The following CAPN1 variants were observed in gnomAD, a reference collection of about 807,000 sequenced individuals.
CAPN1 encodes calpain-1 catalytic subunit.
In CAPN1, 77 loss-of-function variants were observed where a neutral mutation model predicts 105.2. The observed-to-expected ratio is 0.73, with a 90% CI of 0.61 to 0.88. CAPN1 has a LOEUF of 0.88. CAPN1 is among the 40% of genes least tolerant of loss of function. The pLI is 0.00. For missense variants in CAPN1, 833 were observed against 976.6 expected (o/e 0.85, Z 1.96); for synonymous variants, 355 against 388.8 (o/e 0.91, Z 1.02).
At position 65,211,328 on chromosome 11, in the gene CAPN1, C is replaced by T. The variant is rs377011922; in HGVS notation, c.*42C>T. 3.4e-5 allele frequency: 54 copies of T among 1,603,786 alleles called. No individual in the cohort carries two copies. Among genetic ancestry groups the T allele is most frequent in the African/African-American group, 5.4e-5 (4 of 74,726 alleles). Reference sequence around the variant, plus strand: ...CCCTTGCCGTGCTCCCCTCCCTCCTCGTCTGCCAAGCCTCGCCTCCTACCA... The same window carrying T: ...CCCTTGCCGTGCTCCCCTCCCTCCTTGTCTGCCAAGCCTCGCCTCCTACCA... On this transcript the variant is annotated 3_prime_UTR_variant, in exon 22 of 22. Coordinates refer to ENST00000279247, the MANE Select transcript of CAPN1 (RefSeq NM_005186.4).
Position 65,188,646 on chromosome 11 carries a change from C to T in CAPN1, c.1065C>T (p.Pro355=), listed in dbSNP as rs375532639. ...FTRLEICNLT[P]DALKSRTIRK... The stretch of plus-strand genomic sequence containing the variant: ...GCCTGGAGATCTGCAACCTCACACC[C>T]GACGCCCTCAAGAGCCGGACCATCC... Residue 355 remains proline, a synonymous_variant, in exon 10 of 22, where the codon CCC becomes CCT. Transcript: ENST00000279247. The surrounding 1 kb of genome is among the most constrained non-coding windows in gnomAD (Gnocchi z 5.5). The T allele has an allele frequency of 1.7e-5, 28 of 1,613,828 alleles. No homozygotes were observed. The highest frequency in any genetic ancestry group is 1.6e-4 in the Middle Eastern group (1 of 6,084).
In CAPN1 at chr11:65,188,702, C is replaced by A. The variant is rs912363644; in HGVS notation, c.1121C>A (p.Thr374Asn). Residue 374 changes from threonine (T) to asparagine (N), a missense_variant, in exon 10 of 22, where the codon ACC becomes AAC. Coordinates refer to ENST00000279247, the MANE Select transcript of CAPN1 (RefSeq NM_005186.4). This position sits in a 1 kb window ranked among gnomAD's most constrained non-coding sequence, Gnocchi z 5.5. ...RKWNTTLYEG[T>N]WRRGSTAGGC... The stretch of plus-strand genomic sequence containing the variant: ...TGGAACACCACACTCTACGAAGGCA[C>A]CTGGCGGCGGGGGAGCACCGCGGGG... The A allele has an allele frequency of 6.2e-7, 1 of 1,607,088 alleles. No homozygotes were observed. Among genetic ancestry groups the A allele is most frequent in the African/African-American group, 1.3e-5 (1 of 74,792 alleles).
chr11:65,184,601 A>G (rs1160949259), intron 4 of CAPN1, among the ~76,000 whole-genome samples: 1 of 151,754 alleles, frequency 6.6e-6, no homozygotes, highest in Non-Finnish European at 1.5e-5. Context: ...GTGGCATCTC[A>G]GAAACAAAGC....
Position 65,182,943 on chromosome 11 carries a change from A to G in CAPN1, c.242A>G (p.Tyr81Cys). ...CTGGGTCCCAATTCCTCCAAGACCT[A>G]TGGCATCAAGTGGAAGCGTCCCACG... Reference protein sequence around the residue: ...KDLGPNSSKTYGIKWKRPTEL... With the variant: ...KDLGPNSSKTCGIKWKRPTEL... Residue 81 changes from tyrosine (Y) to cysteine (C), a missense_variant, in exon 2 of 22, where the codon TAT (tyrosine) becomes TGT (cysteine). Transcript: ENST00000279247. 6.2e-7 allele frequency: 1 copy of G among 1,613,402 alleles called. No individual in the cohort carries two copies. The highest frequency in any genetic ancestry group is 8.5e-7 in the Non-Finnish European group (1 of 1,179,676).
intron 10 of CAPN1, among the ~76,000 whole-genome samples, chr11:65,204,263 C>T (rs1368189788): frequency 1.3e-5 from 2 of 152,194 alleles, no homozygotes; most frequent in Admixed American, 6.5e-5. Flanking sequence ...CCTGGGTCTC[C>T]GTGTTTCCTA....
intron 14 of CAPN1, among the ~76,000 whole-genome samples, chr11:65,207,099 G>C (rs1648662107): frequency 6.6e-6 from 1 of 151,858 alleles, no homozygotes; most frequent in Non-Finnish European, 1.5e-5. Flanking sequence ...CATCAACCCT[G>C]TCCGGGTCTT....
At chr11:65,190,853 C>T (rs539862105) in intron 10 of CAPN1, among the ~76,000 whole-genome samples, 6 of 152,242 alleles carry the variant, frequency 3.9e-5, no homozygotes, top group East Asian at 1.9e-4. Flanking sequence ...GCTGTGATTA[C>T]AGGTGCCCGC....
intron 6 of CAPN1, among the ~76,000 whole-genome samples, chr11:65,186,958 G>A (rs1948642944): frequency 6.6e-6 from 1 of 152,204 alleles, no homozygotes; most frequent in African/African-American, 2.4e-5. Context: ...GTCAGCCCTG[G>A]CCAGTAGCAG....
intron 4 of CAPN1, 162 bp downstream of exon 4, chr11:65,183,754 C>T: frequency 1.7e-6 from 1 of 592,866 alleles, no homozygotes; most frequent in East Asian, 2.8e-5. Flanking sequence ...TGTGAAGTGA[C>T]TGGGCTGGGC....
chr11:65,210,896 G>A lies in CAPN1; in HGVS notation c.2118+24G>A. 4 of 1,589,494 alleles carry A rather than the reference G, an allele frequency of 2.5e-6. No homozygotes were observed. Among genetic ancestry groups the A allele is most frequent in the South Asian group, 1.1e-5 (1 of 90,562 alleles). ...AGGTGGGAACCTCCCTGGGCCCATG[G>A]TTGGGGAAGAGTTCCAGGCGATCGA... On this transcript the variant is annotated intron_variant, in intron 21 of 21. Transcript: ENST00000279247. This position sits in a 1 kb window ranked among gnomAD's most constrained non-coding sequence, Gnocchi z 4.3.
rs552236180 is a variant in CAPN1 at position 65,195,130 on chromosome 11, G to A, written c.1165+6384G>A. Reference sequence around the variant, plus strand: ...TTTTTTTTTTTTTTTTTTTTTTTGAGTCTGGATCTTGCTCTATCACCTAGG... The same window carrying A: ...TTTTTTTTTTTTTTTTTTTTTTTGAATCTGGATCTTGCTCTATCACCTAGG... On this transcript the variant is annotated intron_variant, in intron 10 of 21. Coordinates refer to ENST00000279247, the MANE Select transcript of CAPN1 (RefSeq NM_005186.4). Among the ~76,000 whole-genome samples the A allele has an allele frequency of 5.9e-4, 61 of 102,960 alleles. 1 individual carries two copies. The East Asian group carries it at 0.019, about 32-fold the overall frequency. The allele number at this position is 102,960 out of a possible 152,430, so 67.5% of individuals were successfully genotyped here. A position where few individuals can be genotyped will look rare whatever the true frequency, so the allele number is the denominator to read the frequency against.
chr11:65,183,020 G>A, intron 2 of CAPN1, 52 bp downstream of exon 2: 1 of 1,611,018 alleles, frequency 6.2e-7, no homozygotes, highest in Non-Finnish European at 8.5e-7. Context: ...CCTGGATGAG[G>A]AGTAGGGATG....
chr11:65,191,159 A>C (rs1412666879), intron 10 of CAPN1, among the ~76,000 whole-genome samples: 1 of 152,220 alleles, frequency 6.6e-6, no homozygotes, highest in Non-Finnish European at 1.5e-5. Context: ...GTCTTATCCA[A>C]GGATATGGTG....
At chr11:65,189,084 C>T (rs760513239) in intron 10 of CAPN1, among the ~76,000 whole-genome samples, 6 of 151,842 alleles carry the variant, frequency 4.0e-5, no homozygotes, top group East Asian at 3.9e-4. Flanking sequence ...AGTGCAGTAG[C>T]GTGGCCTTGG....
chr11:65,188,505 C>A lies in CAPN1; in HGVS notation c.1004+17C>A. 6.2e-7 allele frequency: 1 copy of A among 1,613,000 alleles called. No homozygotes were observed. Among genetic ancestry groups the A allele is most frequent in the African/African-American group, 1.3e-5 (1 of 75,026 alleles). On this transcript the variant is annotated intron_variant, in intron 9 of 21. Transcript: ENST00000279247. This position sits in a 1 kb window ranked among gnomAD's most constrained non-coding sequence, Gnocchi z 5.5. ...GGAGTTCTGGTGAGCGCCCCCTCCC[C>A]TTCTACCCCACCTCTCCACCCCTAC...
At position 65,209,200 on chromosome 11, in the gene CAPN1, C is replaced by A; in HGVS notation, c.1730-123C>A. 1.4e-6 allele frequency: 1 copy of A among 715,268 alleles called. No individual in the cohort carries two copies. The highest frequency in any genetic ancestry group is 2.5e-6 in the Non-Finnish European group (1 of 394,250). 44.3% of individuals were successfully genotyped at this position (715,268 alleles called of 1,614,324 possible). Reference sequence around the variant, plus strand: ...CAAACAATCCTGCCCACTTCCTCTGCCAGATATTGCACCCACTCGTCAGGA... The same window carrying A: ...CAAACAATCCTGCCCACTTCCTCTGACAGATATTGCACCCACTCGTCAGGA... On this transcript the variant is annotated intron_variant, in intron 16 of 21. Coordinates refer to ENST00000279247, the MANE Select transcript of CAPN1 (RefSeq NM_005186.4). This position sits in a 1 kb window ranked among gnomAD's most constrained non-coding sequence, Gnocchi z 4.1.
Position 65,208,514 on chromosome 11 carries a change from T to C in CAPN1, c.1729+252T>C. 1.8e-6 allele frequency: 1 copy of C among 570,014 alleles called. No individual in the cohort carries two copies. Among genetic ancestry groups the C allele is most frequent in the Non-Finnish European group, 3.2e-6 (1 of 316,164 alleles). 35.3% of individuals were successfully genotyped at this position (570,014 alleles called of 1,614,324 possible). ...GCGCAGCCTGGCCAGGCACAGTGGC[T>C]CACACCTGTAGTCCCAACACTCTGG... On this transcript the variant is annotated intron_variant, in intron 16 of 21. Transcript: ENST00000279247. This position sits in a 1 kb window ranked among gnomAD's most constrained non-coding sequence, Gnocchi z 4.1.
chr11:65,207,220 G>A, intron 14 of CAPN1, among the ~76,000 whole-genome samples: 1 of 50,056 alleles, frequency 2.0e-5, no homozygotes, highest in East Asian at 6.5e-4. Flanking sequence ...TTTTTTTTTT[G>A]AGAGAGTCTC....
At chr11:65,200,557 C>G (rs992292075) in intron 10 of CAPN1, among the ~76,000 whole-genome samples, 5 of 152,248 alleles carry the variant, frequency 3.3e-5, no homozygotes, top group African/African-American at 9.6e-5. Flanking sequence ...CTTGGCCAGG[C>G]TGGTCTTGAA....
Sources: gnomAD v4.1 joint callset for allele counts (sites outside exome capture counted in the v4.1 genomes callset) on GRCh38, gnomAD v4.1.1 for gene constraint, Gnocchi (gnomAD v3.1) non-coding constraint, MANE v1.5 for transcripts, NCBI Gene and HGNC (gene_info 2026-07-23, HGNC 2026-07-21) for gene names.